ERP44: variants seen among roughly 807,000 people sequenced by gnomAD.
ERP44 encodes the protein endoplasmic reticulum protein 44.
ERP44 carries 25 observed loss-of-function variants against 53.4 expected under a neutral mutation model. The ratio of observed to expected loss-of-function variants is 0.47; its 90% CI spans 0.34 to 0.65. The LOEUF is 0.65. Among genes scored for constraint, ERP44 ranks in the 30% least tolerant of loss-of-function variants. ERP44 has a pLI of 0.01. For missense variants in ERP44, 338 were observed against 493.2 expected (o/e 0.69, Z 2.98); for synonymous variants, 145 against 161.2 (o/e 0.90, Z 0.76).
intron 1 of ERP44, among the ~76,000 whole-genome samples, chr9:100,065,450 T>C (rs967529696): frequency 6.6e-6 from 1 of 152,146 alleles, no homozygotes; most frequent in Non-Finnish European, 1.5e-5. Context: ...TACTATATAC[T>C]TGAAAATTCC....
chr9:99,988,363 C>T (rs1188326707), intron 10 of ERP44, among the ~76,000 whole-genome samples: 2 of 152,130 alleles, frequency 1.3e-5, no homozygotes, highest in African/African-American at 4.8e-5. Flanking sequence ...AAGAGTTTCT[C>T]CTATGTTCGC....
intron 1 of ERP44, among the ~76,000 whole-genome samples, chr9:100,092,338 A>G (rs975202859): frequency 2.6e-5 from 4 of 152,366 alleles, no homozygotes; most frequent in South Asian, 2.1e-4. Context: ...TAAAGGAACT[A>G]CCCAATCAAA....
chr9:100,068,960 G>C (rs1181802185), intron 1 of ERP44, among the ~76,000 whole-genome samples: 2 of 152,214 alleles, frequency 1.3e-5, no homozygotes, highest in Non-Finnish European at 1.5e-5. Flanking sequence ...AAATTCTTCT[G>C]CCGTGGGATC....
chr9:100,088,314 A>G (rs944634112), intron 1 of ERP44, among the ~76,000 whole-genome samples: 21 of 152,248 alleles, frequency 1.4e-4, no homozygotes, highest in Admixed American at 5.2e-4. Flanking sequence ...CTATATGACA[A>G]TCACGCTGCT....
At chr9:100,022,855 A>C (rs1830608491) in intron 4 of ERP44, among the ~76,000 whole-genome samples, 1 of 152,222 alleles carries the variant, frequency 6.6e-6, no homozygotes, top group Non-Finnish European at 1.5e-5. Flanking sequence ...GGCTGGAGGA[A>C]AAGATTATAT....
intron 4 of ERP44, among the ~76,000 whole-genome samples, chr9:100,028,929 G>A (rs1342575157): frequency 6.6e-6 from 1 of 152,146 alleles, no homozygotes; most frequent in African/African-American, 2.4e-5. Flanking sequence ...ACACAATAAT[G>A]ACAGAATTTT....
intron 2 of ERP44, among the ~76,000 whole-genome samples, chr9:100,059,184 C>T (rs1033981381): frequency 3.3e-5 from 5 of 152,160 alleles, no homozygotes; most frequent in African/African-American, 1.2e-4. Flanking sequence ...AATGTTGTAA[C>T]TCCTTTTGCC....
chr9:100,015,699 C>T (rs1260744397), intron 8 of ERP44, among the ~76,000 whole-genome samples: 1 of 152,174 alleles, frequency 6.6e-6, no homozygotes, highest in Non-Finnish European at 1.5e-5. Context: ...AGTCCCCCAC[C>T]TTTTTGGCAC....
At chr9:99,990,728 T>C (rs917097668) in intron 10 of ERP44, among the ~76,000 whole-genome samples, 4 of 151,990 alleles carry the variant, frequency 2.6e-5, no homozygotes, top group African/African-American at 9.7e-5. Flanking sequence ...GCAAATTGGA[T>C]AAAGAGTCAA....
chr9:99,987,911 G>A (rs1312441954), intron 10 of ERP44, among the ~76,000 whole-genome samples: 21 of 152,104 alleles, frequency 1.4e-4, no homozygotes, highest in Admixed American at 1.4e-3. Context: ...GGACATTCAA[G>A]TTCTTTCCAG....
intron 4 of ERP44, among the ~76,000 whole-genome samples, chr9:100,039,685 T>C (rs1252261260): frequency 6.6e-6 from 1 of 151,390 alleles, no homozygotes. Context: ...AGGACAGAAA[T>C]AAATGAAATT....
chr9:100,075,930 T>C (rs868412741), intron 1 of ERP44, among the ~76,000 whole-genome samples: 19 of 152,240 alleles, frequency 1.2e-4, no homozygotes, highest in Middle Eastern at 3.4e-3. Context: ...TTGGGCCATA[T>C]AACCCAGCAG....
chr9:100,076,086 G>A (rs944636376), intron 1 of ERP44, among the ~76,000 whole-genome samples: 3 of 152,210 alleles, frequency 2.0e-5, no homozygotes, highest in Admixed American at 1.3e-4. Flanking sequence ...CTCCTTTTGA[G>A]AGACAGCTCT....
At chr9:100,064,386 G>C (rs1826188294) in intron 1 of ERP44, among the ~76,000 whole-genome samples, 1 of 152,176 alleles carries the variant, frequency 6.6e-6, no homozygotes, top group South Asian at 2.1e-4. Flanking sequence ...AGGAGGAAAA[G>C]GTCCAGAAAT....
chr9:100,088,070 C>T (rs2118757114), intron 1 of ERP44, among the ~76,000 whole-genome samples: 1 of 152,218 alleles, frequency 6.6e-6, no homozygotes, highest in African/African-American at 2.4e-5. Context: ...ACAAAGGCTA[C>T]TCCCAACAGA....
chr9:100,079,392 G>C (rs1826395394), intron 1 of ERP44, among the ~76,000 whole-genome samples: 1 of 147,136 alleles, frequency 6.8e-6, no homozygotes, highest in Admixed American at 6.9e-5. Flanking sequence ...GTGAGTTAAT[G>C]CTCCTTAATA....
intron 1 of ERP44, among the ~76,000 whole-genome samples, chr9:100,090,396 T>A (rs1459012622): frequency 1.3e-5 from 2 of 152,190 alleles, no homozygotes; most frequent in Non-Finnish European, 2.9e-5. Context: ...TAGACTTCAA[T>A]GATGTGTTGG....
chr9:100,063,075 C>CAAAAAAA lies in ERP44; in HGVS notation c.58-2910_58-2904dup, dbSNP rs58004954. The stretch of plus-strand genomic sequence containing the variant: ...GATGACAGAACAGGACCCTGTCTCA[C>CAAAAAAA]AAAAAAAAAAAAAAAAAAGAGAGAG... On this transcript the variant is annotated intron_variant, in intron 1 of 11. Transcript: ENST00000262455. 2.3e-3 allele frequency among the ~76,000 whole-genome samples: 93 copies of CAAAAAAA among 40,042 alleles called. 14 individuals carry two copies. Among genetic ancestry groups the CAAAAAAA allele is most frequent in the African/African-American group, 5.9e-3 (55 of 9,252 alleles). The allele number at this position is 40,042 out of a possible 152,430, so 26.3% of individuals were successfully genotyped here.
intron 1 of ERP44, among the ~76,000 whole-genome samples, chr9:100,069,684 T>C (rs1311798150): frequency 2.6e-5 from 4 of 152,066 alleles, no homozygotes; most frequent in Admixed American, 6.6e-5. Context: ...TAAGTCAAAA[T>C]ATGGTGCAGA....
Sources: gnomAD v4.1 joint callset for allele counts (sites outside exome capture counted in the v4.1 genomes callset) on GRCh38, gnomAD v4.1.1 for gene constraint, MANE v1.5 for transcripts, NCBI Gene and HGNC (gene_info 2026-07-23, HGNC 2026-07-21) for gene names.